The following AXIN1 variants were observed in gnomAD, a reference collection of about 807,000 sequenced individuals.
AXIN1 encodes axin-1.
In AXIN1, 30 loss-of-function variants were observed where a neutral mutation model predicts 76.4. The ratio of observed to expected loss-of-function variants is 0.39; its 90% CI spans 0.29 to 0.53. The LOEUF (loss-of-function observed/expected upper bound fraction) is 0.53. AXIN1 is among the 20% of genes least tolerant of loss of function. The pLI is 0.66. For missense variants in AXIN1, 1,140 were observed against 1,198.8 expected, an observed-to-expected ratio of 0.95 and a Z score of 0.72; for synonymous variants, 545 against 501.4, an observed-to-expected ratio of 1.09 and a Z score of -1.16.
chr16:351,878 C>T (rs535605549), intron 1 of AXIN1, among the ~76,000 whole-genome samples: 2 of 152,184 alleles, frequency 1.3e-5, no homozygotes, highest in Admixed American at 1.3e-4. Context: ...TTCACGGGGG[C>T]TAAATTCCAA....
intron 7 of AXIN1, among the ~76,000 whole-genome samples, chr16:294,929 T>G (rs879480395): frequency 1.6e-4 from 24 of 150,590 alleles, no homozygotes; most frequent in Non-Finnish European, 2.4e-4. Context: ...CCGGGCGTGG[T>G]GGCGGGCGCC....
chr16:315,779 G>C (rs944308538), intron 2 of AXIN1, among the ~76,000 whole-genome samples: 2 of 146,046 alleles, frequency 1.4e-5, no homozygotes, highest in Non-Finnish European at 3.0e-5. Context: ...AGTAAGCTGA[G>C]ATCACGCCAC....
At chr16:339,347 CA>C (rs34322902) in intron 2 of AXIN1, among the ~76,000 whole-genome samples, 10,006 of 127,970 alleles carry the variant, frequency 0.078, 347 homozygotes, top group Middle Eastern at 0.092. Flanking sequence ...ACTAAAAATA[CA>C]AAAAAAAAAA....
At position 293,443 on chromosome 16, in the gene AXIN1, T is replaced by TTCA. The variant is rs2052623640; in HGVS notation, c.2186+44_2186+45insTGA. On this transcript the variant is annotated intron_variant, in intron 8 of 10. Transcript: ENST00000262320. The surrounding 1 kb of genome is among the most constrained non-coding windows in gnomAD (Gnocchi z 4.6). ...GGAGCTTCAGCCCCAGGAGTGGTGC[T>TTCA]GTGGTAACCCCCAAGACCCACCCCA... 6.3e-7 allele frequency: 1 copy of TTCA among 1,576,604 alleles called. No individual in the cohort carries two copies. The highest frequency in any genetic ancestry group is 1.3e-5 in the African/African-American group (1 of 74,192).
chr16:312,612 T>TA (rs1346447814), intron 3 of AXIN1, among the ~76,000 whole-genome samples: 3 of 152,224 alleles, frequency 2.0e-5, no homozygotes, highest in African/African-American at 7.2e-5. Context: ...TCAACTCCAG[T>TA]AACCTCAAGT....
chr16:309,848 G>A (rs568790443), intron 4 of AXIN1, 125 bp downstream of exon 4: 7 of 897,366 alleles, frequency 7.8e-6, no homozygotes, highest in East Asian at 2.6e-5. Context: ...GGGATCACAC[G>A]CTTACGCCTA....
Position 297,910 on chromosome 16 carries a change from G to C in AXIN1, c.1596C>G (p.His532Gln), listed in dbSNP as rs1313500414. 2.5e-6 allele frequency: 4 copies of C among 1,597,522 alleles called. No homozygotes were observed. Among genetic ancestry groups the C allele is most frequent in the Non-Finnish European group, 3.4e-6 (4 of 1,171,180 alleles). The change falls in exon 6 of 11, where the codon CAC becomes CAG. Residue 532 changes from histidine (H) to glutamine (Q), a missense_variant. This residue lies in a region of AXIN1 where 708 missense variants were observed against 776.9 expected (regional missense o/e 0.91). Coordinates refer to ENST00000262320, the MANE Select transcript of AXIN1 (RefSeq NM_003502.4). ...GGTGGACGTGGTGGTGGACGTGTCG[G>C]TGGTGGTGCAGGCCGGCCGCGTCCA... is the stretch of plus-strand genomic sequence containing the variant. ...AKLDAAGLHH[H>Q]RHVHHHVHHS...
intron 2 of AXIN1, among the ~76,000 whole-genome samples, chr16:329,559 C>T (rs2053651233): frequency 1.3e-5 from 2 of 152,172 alleles, no homozygotes; most frequent in Non-Finnish European, 2.9e-5. Flanking sequence ...AATTCTCCTG[C>T]CTCAGCCTCC....
chr16:293,854 C>T lies in AXIN1; in HGVS notation c.1956-136G>A. On this transcript the variant is annotated intron_variant, in intron 7 of 10. Transcript: ENST00000262320. This position sits in a 1 kb window ranked among gnomAD's most constrained non-coding sequence, Gnocchi z 4.6. ...GGGGCACTGGGGCCTGGCCACCAAG[C>T]CACATGGACGTCCTCCACAGACCAC... 8.4e-6 allele frequency: 7 copies of T among 833,476 alleles called. No homozygotes were observed. The highest frequency in any genetic ancestry group is 1.4e-5 in the Non-Finnish European group (7 of 495,312). 51.6% of individuals were successfully genotyped at this position (833,476 alleles called of 1,614,324 possible). A position where few individuals can be genotyped will look rare whatever the true frequency, so the allele number is the denominator to read the frequency against.
rs397722732 is a variant in AXIN1 at position 320,743 on chromosome 16, A to ATATATTTTTTT, written c.879-6061_879-6060insAAAAAAATATA. Among the ~76,000 whole-genome samples, 506 of 107,540 alleles carry ATATATTTTTTT rather than the reference A, an allele frequency of 4.7e-3. 7 individuals carry two copies. The highest frequency in any genetic ancestry group is 0.02 in the African/African-American group (444 of 21,696). The allele number at this position is 107,540 out of a possible 152,430, so 70.6% of individuals were successfully genotyped here. A position where few individuals can be genotyped will look rare whatever the true frequency, so the allele number is the denominator to read the frequency against. ...TGTGTGTATATATATATATATATAT[A>ATATATTTTTTT]TTTTTTTTTTTTTTGAGACGGAGCC... On this transcript the variant is annotated intron_variant, in intron 2 of 10. Coordinates refer to ENST00000262320, the MANE Select transcript of AXIN1 (RefSeq NM_003502.4).
At chr16:294,750 C>T (rs2052661906) in intron 7 of AXIN1, among the ~76,000 whole-genome samples, 1 of 86,078 alleles carries the variant, frequency 1.2e-5, no homozygotes, top group Non-Finnish European at 2.2e-5. Context: ...AGCGAAACCC[C>T]ATCTCAAAAA....
chr16:334,141 ATGCC>A, intron 2 of AXIN1, among the ~76,000 whole-genome samples: 1 of 151,346 alleles, frequency 6.6e-6, no homozygotes, highest in East Asian at 2.0e-4. Flanking sequence ...GTACCACGGC[ATGCC>A]AATAACACAG....
chr16:299,133 G>T, intron 5 of AXIN1: 1 of 985,418 alleles, frequency 1.0e-6, no homozygotes, highest in Non-Finnish European at 1.2e-6. Flanking sequence ...TTGTGATGCT[G>T]CCTGACGAGC....
chr16:296,772 G>A (rs8062527), intron 7 of AXIN1, among the ~76,000 whole-genome samples: 2,878 of 152,246 alleles, frequency 0.019, 97 homozygotes, highest in African/African-American at 0.057. Context: ...ATGACCTCCC[G>A]AGAGCATCTG....
intron 4 of AXIN1, among the ~76,000 whole-genome samples, chr16:309,583 C>T (rs563960121): frequency 1.3e-5 from 2 of 152,292 alleles, no homozygotes; most frequent in African/African-American, 4.8e-5. Context: ...TGTTCAGCCA[C>T]AAAAACACCA....
At chr16:348,835 A>G (rs1384203846) in intron 1 of AXIN1, among the ~76,000 whole-genome samples, 2 of 151,940 alleles carry the variant, frequency 1.3e-5, no homozygotes, top group Non-Finnish European at 2.9e-5. Context: ...ACAGTGGCTC[A>G]CACCTGTAAT....
chr16:288,009 G>C lies in AXIN1; in HGVS notation c.*113C>G, dbSNP rs2052432634. ...CACGGGTAGACCACAGGGATGGGTG[G>C]TACACCCAACACTGTTCCCCATCGG... On this transcript the variant is annotated 3_prime_UTR_variant, in exon 11 of 11. Transcript: ENST00000262320. 1 of 1,543,928 alleles carries C rather than the reference G, an allele frequency of 6.5e-7. No individual in the cohort carries two copies. Among genetic ancestry groups the C allele is most frequent in the Admixed American group, 1.7e-5 (1 of 59,870 alleles).
intron 2 of AXIN1, among the ~76,000 whole-genome samples, chr16:340,127 C>CAGTCAATAAACTAAT (rs1393535813): frequency 2.0e-5 from 3 of 152,038 alleles, no homozygotes; most frequent in African/African-American, 7.2e-5. Flanking sequence ...TGAGCAGGTC[C>CAGTCAATAAACTAAT]GACGGTTCCT....
At chr16:342,860 C>A (rs2053957317) in intron 2 of AXIN1, among the ~76,000 whole-genome samples, 1 of 152,268 alleles carries the variant, frequency 6.6e-6, no homozygotes, top group Non-Finnish European at 1.5e-5. Context: ...CCCTAAGGCA[C>A]ACCTGAGGCT....
Sources: gnomAD v4.1 joint callset for allele counts (sites outside exome capture counted in the v4.1 genomes callset) on GRCh38, gnomAD v4.1.1 for gene constraint, gnomAD v4.1.1 regional missense constraint, Gnocchi (gnomAD v3.1) non-coding constraint, MANE v1.5 for transcripts, NCBI Gene and HGNC (gene_info 2026-07-23, HGNC 2026-07-21) for gene names.